The following USP26 variants were observed in gnomAD, a reference collection of about 807,000 sequenced individuals.
USP26 encodes the protein ubiquitin specific peptidase 26.
For synonymous variants in USP26, 236 were observed against 240.6 expected, an observed-to-expected ratio of 0.98 and a Z score of 0.18; for missense variants, 649 against 642.3, an observed-to-expected ratio of 1.01 and a Z score of -0.11.
chrX:133,095,120 G>GAAAGA (rs886159042), intron 1 of USP26, among the ~76,000 whole-genome samples: 31 of 99,764 alleles, frequency 3.1e-4, no homozygotes, highest in African/African-American at 5.0e-4. Flanking sequence ...AAGAAAGAAA[G>GAAAGA]AAAGAAAAGA....
intron 5 of USP26, among the ~76,000 whole-genome samples, chrX:133,050,664 AT>A (rs1212243949): frequency 8.9e-6 from 1 of 111,980 alleles, no homozygotes. Flanking sequence ...AAGCCATGTT[AT>A]CTACTTAAAA....
intron 5 of USP26, among the ~76,000 whole-genome samples, chrX:133,071,344 G>A (rs1484278056): frequency 1.8e-5 from 2 of 111,083 alleles, no homozygotes; most frequent in Admixed American, 9.6e-5. Context: ...CTAGGGACAA[G>A]TTTACTAAGA....
intron 5 of USP26, among the ~76,000 whole-genome samples, chrX:133,056,050 C>A (rs183471409): frequency 9.0e-6 from 1 of 111,585 alleles, no homozygotes; most frequent in Admixed American, 9.6e-5. Flanking sequence ...TCCAGTGAGA[C>A]TTGTTTTCTC....
chrX:133,068,713 ATCTGG>A (rs2067520761), intron 5 of USP26, among the ~76,000 whole-genome samples: 1 of 112,671 alleles, frequency 8.9e-6, no homozygotes, highest in Admixed American at 9.4e-5. Flanking sequence ...TGAGTCCATT[ATCTGG>A]AGATTCCAAT....
chrX:133,027,093 A>T lies in USP26; in HGVS notation c.1128T>A (p.His376Gln). Residue 376 changes from histidine (H) to glutamine (Q), a missense_variant, in exon 6 of 6, where the codon CAT (histidine) becomes CAA (glutamine). His to Gln is a conservative substitution (Grantham distance 24). Coordinates refer to ENST00000511190, the MANE Select transcript of USP26 (RefSeq NM_031907.3). ...CATGAGCATCGTTCTGTGCATTGCC[A>T]TGGAATATCTCTGCAGCTGCTGAAA... ...KAISAAAEIF[H>Q]GNAQNDAHEF... is the part of the protein sequence containing the mutation. 1 of 1,210,920 alleles carries T rather than the reference A, an allele frequency of 8.3e-7. No homozygotes were observed. Among genetic ancestry groups the T allele is most frequent in the Non-Finnish European group, 1.1e-6 (1 of 894,673 alleles).
At chrX:133,073,723 T>C (rs149087077) in intron 5 of USP26, among the ~76,000 whole-genome samples, 263 of 111,774 alleles carry the variant, frequency 2.4e-3, no homozygotes, top group African/African-American at 7.7e-3. Context: ...CTGTATGACT[T>C]TGAATTCCAG....
At position 133,027,506 on chromosome X, in the gene USP26, A is replaced by T; in HGVS notation, c.715T>A (p.Cys239Ser). ...ENKKLECESSCIMNATGNPYL... is the reference protein window; with the variant it reads ...ENKKLECESSSIMNATGNPYL... ...GGATTTCCAGTGGCGTTCATGATGC[A>T]TGAAGATTCACATTCCAATTTCTTA... Residue 239 changes from cysteine to serine, a missense_variant, in exon 6 of 6, where the codon TGC becomes AGC. Coordinates refer to ENST00000511190, the MANE Select transcript of USP26 (RefSeq NM_031907.3). The T allele has an allele frequency of 8.3e-7, 1 of 1,211,228 alleles. No homozygotes were observed. Among genetic ancestry groups the T allele is most frequent in the Non-Finnish European group, 1.1e-6 (1 of 895,180 alleles).
At chrX:133,076,355 C>A (rs1477174960) in intron 5 of USP26, among the ~76,000 whole-genome samples, 1 of 110,892 alleles carries the variant, frequency 9.0e-6, no homozygotes, top group East Asian at 2.9e-4. Context: ...TAATCTTATG[C>A]AATCTTATGA....
intron 5 of USP26, among the ~76,000 whole-genome samples, chrX:133,044,054 C>T (rs2067428808): frequency 8.9e-6 from 1 of 112,618 alleles, no homozygotes; most frequent in Non-Finnish European, 1.9e-5. Flanking sequence ...AGGCACTTGA[C>T]CTTTGAAGGA....
intron 5 of USP26, among the ~76,000 whole-genome samples, chrX:133,052,881 G>A (rs886413383): frequency 1.1e-4 from 12 of 111,423 alleles, no homozygotes; most frequent in African/African-American, 2.9e-4. Flanking sequence ...GGGGGTGAGA[G>A]GACTGGTAGC....
chrX:133,027,013 G>T lies in USP26; in HGVS notation c.1208C>A (p.Thr403Lys). The T allele has an allele frequency of 2.5e-6, 3 of 1,211,468 alleles. No individual in the cohort carries two copies. The highest frequency in any genetic ancestry group is 2.2e-6 in the Non-Finnish European group (2 of 895,367). Residue 403 changes from threonine (T) to lysine (K), a missense_variant, in exon 6 of 6, where the codon ACA becomes AAA. Physicochemically the swap from Thr to Lys is moderately conservative, Grantham distance 78. Transcript: ENST00000511190. Reference protein sequence around the residue: ...QLKDNMEKLNTIWKPKSEFGE... With the variant: ...QLKDNMEKLNKIWKPKSEFGE... The stretch of plus-strand genomic sequence containing the variant: ...AAATTCACTTTTAGGCTTCCAAATT[G>T]TGTTGAGTTTTTCCATGTTATCTTT...
chrX:133,042,505 T>A (rs1272564535), intron 5 of USP26, among the ~76,000 whole-genome samples: 2 of 111,278 alleles, frequency 1.8e-5, no homozygotes, highest in Non-Finnish European at 3.8e-5. Context: ...CTGCTTCTGC[T>A]CACTCTCTGT....
At chrX:133,032,675 T>C (rs940846949) in intron 5 of USP26, among the ~76,000 whole-genome samples, 3 of 111,593 alleles carry the variant, frequency 2.7e-5, no homozygotes, top group African/African-American at 9.8e-5. Flanking sequence ...TTGCTTGAAA[T>C]TTTGCCATTC....
chrX:133,037,324 T>G (rs181597297), intron 5 of USP26, among the ~76,000 whole-genome samples: 88 of 112,603 alleles, frequency 7.8e-4, no homozygotes, highest in Non-Finnish European at 1.4e-3. Context: ...CATTTAAGTC[T>G]TTAATCCATC....
chrX:133,057,293 T>C (rs1602979742), intron 5 of USP26, among the ~76,000 whole-genome samples: 1 of 111,908 alleles, frequency 8.9e-6, no homozygotes, highest in African/African-American at 3.2e-5. Context: ...CTAAAACTAA[T>C]ATACCACAGG....
At chrX:133,090,018 G>A (rs2067601737) in intron 4 of USP26, 95 bp downstream of exon 4, 1 of 112,043 alleles carries the variant, frequency 8.9e-6, no homozygotes, top group Non-Finnish European at 1.9e-5. Flanking sequence ...CATTTACTCA[G>A]AAGGCTGAAG....
Position 133,024,445 on chromosome X carries a change from G to A in USP26, c.*1034C>T, listed in dbSNP as rs1006997789. On this transcript the variant is annotated 3_prime_UTR_variant, in exon 6 of 6. Transcript: ENST00000511190. ...GGGCTCAGACCACCAAGGGCCAAGA[G>A]CTTGCTAGCAGACACACAGGAAATG... Among the ~76,000 whole-genome samples, 1 of 111,901 alleles carries A rather than the reference G, an allele frequency of 8.9e-6. No individual in the cohort carries two copies. The highest frequency in any genetic ancestry group is 3.2e-5 in the African/African-American group (1 of 30,805).
intron 5 of USP26, among the ~76,000 whole-genome samples, chrX:133,071,395 C>T (rs1436080317): frequency 2.7e-5 from 3 of 110,563 alleles, no homozygotes; most frequent in Admixed American, 9.7e-5. Flanking sequence ...ATAACATAAA[C>T]ACTTTAAATC....
At chrX:133,066,601 T>C (rs2067512578) in intron 5 of USP26, among the ~76,000 whole-genome samples, 1 of 111,642 alleles carries the variant, frequency 9.0e-6, no homozygotes, top group South Asian at 3.7e-4. Context: ...TGGAGAAATC[T>C]GACAAAAACA....
Sources: allele counts gnomAD v4.1 joint callset (sites outside exome capture counted in the v4.1 genomes callset), GRCh38; gene constraint gnomAD v4.1.1; transcripts MANE v1.5; gene names NCBI Gene and HGNC (gene_info 2026-07-23, HGNC 2026-07-21).